Variants in HSD17B4 observed in about 807,000 individuals in gnomAD.
The protein encoded by HSD17B4 is peroxisomal multifunctional enzyme type 2.
A neutral mutation model predicts 101.0 loss-of-function variants in HSD17B4; 70 were observed. The observed-to-expected ratio is 0.69, with a 90% CI of 0.57 to 0.85. HSD17B4 has a LOEUF of 0.85. Among genes scored for constraint, HSD17B4 ranks in the 40% least tolerant of loss-of-function variants. The pLI, the probability that HSD17B4 is intolerant of heterozygous loss-of-function variation, is 0.00. For synonymous variants in HSD17B4, 347 were observed against 297.1 expected (o/e 1.17, Z -1.73); for missense variants, 984 against 892.4 (o/e 1.10, Z -1.31).
At chr5:119,486,620 A>G (rs1048329236) in intron 8 of HSD17B4, among the ~76,000 whole-genome samples, 3 of 152,102 alleles carry the variant, frequency 2.0e-5, no homozygotes, top group African/African-American at 4.8e-5. Flanking sequence ...GATTTATATA[A>G]AGCTGTAGCT....
At chr5:119,467,833 T>C (rs905294320) in intron 2 of HSD17B4, among the ~76,000 whole-genome samples, 1 of 152,212 alleles carries the variant, frequency 6.6e-6, no homozygotes, top group African/African-American at 2.4e-5. Context: ...TTGTATATAC[T>C]GAGTTATGAA....
intron 17 of HSD17B4, 78 bp from the exon 18 acceptor site, chr5:119,525,138 C>T (rs1753464223): frequency 1.1e-6 from 1 of 931,070 alleles, no homozygotes; most frequent in Non-Finnish European, 1.8e-6. Flanking sequence ...TACCAATAAC[C>T]AGCCATGTTT....
At position 119,482,260 on chromosome 5, in the gene HSD17B4, T is replaced by C. The variant is rs1749209973; in HGVS notation, c.622+3239T>C. ...CATATCTTCAAGGTCACTGATTTTT[T>C]CTTCATTTCTTTTACGATGGTTTTG... On this transcript the variant is annotated intron_variant, in intron 8 of 23. Coordinates refer to ENST00000510025, the MANE Select transcript of HSD17B4 (RefSeq NM_000414.4). 2.6e-5 allele frequency among the ~76,000 whole-genome samples: 4 copies of C among 152,172 alleles called. No homozygotes were observed. In the South Asian group the frequency reaches 8.3e-4, roughly 31 times the overall value.
At chr5:119,541,464 G>A (rs1754987596) in intron 23 of HSD17B4, among the ~76,000 whole-genome samples, 1 of 152,142 alleles carries the variant, frequency 6.6e-6, no homozygotes, top group Admixed American at 6.5e-5. Flanking sequence ...ATTCAACATT[G>A]TGTTATATTC....
intron 8 of HSD17B4, among the ~76,000 whole-genome samples, chr5:119,488,856 A>G (rs1317256591): frequency 6.6e-6 from 1 of 152,132 alleles, no homozygotes; most frequent in Non-Finnish European, 1.5e-5. Flanking sequence ...AATTTTGGGA[A>G]TGAATGGTAC....
intron 15 of HSD17B4, among the ~76,000 whole-genome samples, chr5:119,508,909 G>T (rs1398349828): frequency 2.6e-5 from 4 of 152,210 alleles, no homozygotes; most frequent in African/African-American, 9.7e-5. Context: ...CTATTTCATA[G>T]TTAAGAAAGG....
At position 119,479,136 on chromosome 5, in the gene HSD17B4, C is replaced by G. The variant is rs568203580; in HGVS notation, c.622+115C>G. The G allele has an allele frequency of 1.9e-5, 15 of 797,268 alleles. No homozygotes were observed. The East Asian group carries it at 4.1e-4, about 22-fold the overall frequency. The allele number at this position is 797,268 out of a possible 1,614,324, so 49.4% of individuals were successfully genotyped here. A position where few individuals can be genotyped will look rare whatever the true frequency, so the allele number is the denominator to read the frequency against. ...TAAAAATTATTATTTTTTTCAATTT[C>G]GAAAGCATTATCTGTAAATTGTGTT... On this transcript the variant is annotated intron_variant, in intron 8 of 23. Coordinates refer to ENST00000510025, the MANE Select transcript of HSD17B4 (RefSeq NM_000414.4).
chr5:119,484,656 A>G (rs1197305770), intron 8 of HSD17B4, among the ~76,000 whole-genome samples: 1 of 152,298 alleles, frequency 6.6e-6, no homozygotes, highest in East Asian at 1.9e-4. Flanking sequence ...ATTTTAAAAT[A>G]AGCTACTCCA....
intron 21 of HSD17B4, chr5:119,530,202 C>G (rs1753946530): frequency 2.0e-6 from 1 of 495,986 alleles, no homozygotes; most frequent in Non-Finnish European, 3.6e-6. Context: ...GGATATCTTT[C>G]AAGAGAACAT....
chr5:119,471,651 C>T (rs1435959367), intron 2 of HSD17B4: 2 of 1,411,834 alleles, frequency 1.4e-6, no homozygotes, highest in Non-Finnish European at 1.9e-6. Context: ...AAAATCTATG[C>T]AATAACCCTA....
intron 22 of HSD17B4, among the ~76,000 whole-genome samples, chr5:119,534,457 A>G (rs1561493069): frequency 6.6e-6 from 1 of 151,998 alleles, no homozygotes; most frequent in African/African-American, 2.4e-5. Context: ...AATCTTAGAC[A>G]TTTGCCACAG....
chr5:119,452,626 G>T lies in HSD17B4; in HGVS notation c.51G>T (p.Ala17=), dbSNP rs756529538. ...GGCGGGTGGTACTGGTCACCGGCGCGGGGGCAGGTGAGCATGCGAAGGTTG... is the reference window on the plus strand; with the variant it reads ...GGCGGGTGGTACTGGTCACCGGCGCTGGGGCAGGTGAGCATGCGAAGGTTG... ...FDGRVVLVTG[A]GAGLGRAYAL... Residue 17 remains alanine (A), a synonymous_variant, in exon 1 of 24, where the codon GCG becomes GCT. Coordinates refer to ENST00000510025, the MANE Select transcript of HSD17B4 (RefSeq NM_000414.4). The T allele has an allele frequency of 1.9e-6, 3 of 1,613,900 alleles. No homozygotes were observed. Among genetic ancestry groups the T allele is most frequent in the Non-Finnish European group, 1.7e-6 (2 of 1,179,956 alleles).
intron 16 of HSD17B4, among the ~76,000 whole-genome samples, chr5:119,511,687 T>C (rs907064493): frequency 6.6e-6 from 1 of 151,764 alleles, no homozygotes; most frequent in African/African-American, 2.4e-5. Flanking sequence ...TGAGGAGCAA[T>C]ATCAGAGGCT....
intron 21 of HSD17B4, among the ~76,000 whole-genome samples, chr5:119,530,563 A>G (rs58527989): frequency 0.028 from 4,310 of 151,828 alleles, 195 homozygotes; most frequent in African/African-American, 0.096. Flanking sequence ...AAGAAAAAAA[A>G]AAACTTAGAG....
chr5:119,535,519 G>T (rs969928571), intron 22 of HSD17B4, among the ~76,000 whole-genome samples: 14 of 151,408 alleles, frequency 9.2e-5, no homozygotes, highest in African/African-American at 3.4e-4. Context: ...TTCTTGGTTT[G>T]TTTTTAGTTG....
At chr5:119,457,223 G>C (rs1754766993) in intron 2 of HSD17B4, among the ~76,000 whole-genome samples, 1 of 152,202 alleles carries the variant, frequency 6.6e-6, no homozygotes, top group Non-Finnish European at 1.5e-5. Context: ...GGGATATGTA[G>C]GACCCAGTAC....
At chr5:119,527,026 ATT>A (rs911776299) in intron 19 of HSD17B4, 105 bp from the exon 20 acceptor site, 1 of 654,582 alleles carries the variant, frequency 1.5e-6, no homozygotes, top group Non-Finnish European at 2.8e-6. Context: ...TTAAACCTTG[ATT>A]TTTTTTTTCT....
At chr5:119,452,794 AG>A (rs771920257) in intron 1 of HSD17B4, 161 bp downstream of exon 1, 27 of 1,543,014 alleles carry the variant, frequency 1.7e-5, no homozygotes, top group Non-Finnish European at 2.3e-5. Context: ...AGGAGGAAAG[AG>A]CCGGAAACAC....
At chr5:119,503,370 T>C (rs1751361892) in intron 14 of HSD17B4, among the ~76,000 whole-genome samples, 1 of 152,180 alleles carries the variant, frequency 6.6e-6, no homozygotes, top group Non-Finnish European at 1.5e-5. Context: ...CTTTTTCATT[T>C]TTTTTTACCT....
Sources: gnomAD v4.1 joint callset for allele counts (sites outside exome capture counted in the v4.1 genomes callset) on GRCh38, gnomAD v4.1.1 for gene constraint, MANE v1.5 for transcripts, NCBI Gene and HGNC (gene_info 2026-07-23, HGNC 2026-07-21) for gene names.